OSBP2: variants seen among roughly 807,000 people sequenced by gnomAD.
OSBP2 encodes oxysterol binding protein 2.
A neutral mutation model predicts 96.0 loss-of-function variants in OSBP2; 66 were observed. That is an observed-to-expected ratio of 0.69 (90% CI 0.56 to 0.84). The LOEUF is 0.84. Ranked by LOEUF, OSBP2 falls within the 40% of genes least tolerant of loss-of-function variation. The pLI is 0.00. For synonymous variants in OSBP2, 525 were observed against 520.9 expected (o/e 1.01, Z -0.11); for missense variants, 1,038 against 1,222.7 (o/e 0.85, Z 2.25).
At position 30,893,662 on chromosome 22, in the gene OSBP2, C is replaced by T. The variant is rs755634986; in HGVS notation, c.2119C>T (p.His707Tyr). The T allele has an allele frequency of 1.9e-6, 3 of 1,614,186 alleles. No homozygotes were observed. Among genetic ancestry groups the T allele is most frequent in the East Asian group, 2.2e-5 (1 of 44,894 alleles). The change falls in exon 11 of 14, where the codon CAT (histidine) becomes TAT (tyrosine). Residue 707 changes from histidine (H) to tyrosine (Y), a missense_variant. His to Tyr is a moderately conservative substitution (Grantham distance 83, BLOSUM62 2). This residue lies in a region of OSBP2 where 737 missense variants were observed against 913.3 expected (regional missense o/e 0.81). Transcript: ENST00000332585. ...DQSGDIEIVN[H>Y]KTNDRCQLKF... is the part of the protein sequence containing the mutation. ...GTCAGGGGACATCGAGATTGTGAAC[C>T]ATAAGACCAATGACCGGTGCCAGCT...
chr22:30,833,642 C>G (rs898593189), intron 2 of OSBP2, among the ~76,000 whole-genome samples: 4 of 152,184 alleles, frequency 2.6e-5, no homozygotes, highest in Non-Finnish European at 5.9e-5. Context: ...ATACCAGAAC[C>G]AGGATTTAAT....
At chr22:30,752,179 C>T (rs2090082975) in intron 2 of OSBP2, among the ~76,000 whole-genome samples, 1 of 151,434 alleles carries the variant, frequency 6.6e-6, no homozygotes, top group Non-Finnish European at 1.5e-5. Flanking sequence ...AAAATTTGAC[C>T]TTTTGAGGTT....
intron 1 of OSBP2, among the ~76,000 whole-genome samples, chr22:30,701,020 G>A (rs1017244957): frequency 2.0e-5 from 3 of 151,900 alleles, no homozygotes; most frequent in Non-Finnish European, 4.4e-5. Flanking sequence ...GCTTGAACCT[G>A]GGAGGCAGAG....
chr22:30,843,449 C>G (rs987996321), intron 2 of OSBP2, among the ~76,000 whole-genome samples: 8 of 126,984 alleles, frequency 6.3e-5, no homozygotes, highest in African/African-American at 1.5e-4. Context: ...ATCTTTCCCC[C>G]CTCCCCCTTG....
At chr22:30,760,587 A>C (rs544675719) in intron 2 of OSBP2, among the ~76,000 whole-genome samples, 2 of 152,242 alleles carry the variant, frequency 1.3e-5, no homozygotes, top group South Asian at 2.1e-4. Context: ...AGGCCAATGC[A>C]GGCAGATCAC....
intron 1 of OSBP2, among the ~76,000 whole-genome samples, chr22:30,714,421 G>A (rs1361676885): frequency 1.4e-5 from 2 of 144,042 alleles, no homozygotes; most frequent in Non-Finnish European, 3.0e-5. Context: ...TTTTTTTTTT[G>A]TTGTAGTAAA....
At chr22:30,808,292 G>C (rs1438445850) in intron 2 of OSBP2, among the ~76,000 whole-genome samples, 1 of 152,126 alleles carries the variant, frequency 6.6e-6, no homozygotes, top group East Asian at 1.9e-4. Context: ...CTTGAGCCCA[G>C]GAGTGCAAGG....
At chr22:30,839,544 A>G (rs1352550621) in intron 2 of OSBP2, among the ~76,000 whole-genome samples, 1 of 151,598 alleles carries the variant, frequency 6.6e-6, no homozygotes, top group African/African-American at 2.4e-5. Context: ...TGCCATTCTA[A>G]CTGGTGTGAG....
At chr22:30,802,124 C>T (rs1344029696) in intron 2 of OSBP2, among the ~76,000 whole-genome samples, 1 of 152,218 alleles carries the variant, frequency 6.6e-6, no homozygotes, top group Non-Finnish European at 1.5e-5. Context: ...CCCCACCCCA[C>T]CCTCATGTTT....
intron 2 of OSBP2, among the ~76,000 whole-genome samples, chr22:30,802,204 C>A (rs945382544): frequency 6.6e-6 from 1 of 152,180 alleles, no homozygotes; most frequent in Non-Finnish European, 1.5e-5. Flanking sequence ...AAGTCAGAAT[C>A]AATGACCCCC....
intron 1 of OSBP2, among the ~76,000 whole-genome samples, chr22:30,726,471 G>T (rs2089652438): frequency 6.6e-6 from 1 of 151,976 alleles, no homozygotes; most frequent in South Asian, 2.1e-4. Context: ...CACACACTGG[G>T]GTCTGTCAGA....
intron 2 of OSBP2, among the ~76,000 whole-genome samples, chr22:30,846,815 A>T (rs2038880821): frequency 6.6e-6 from 1 of 151,996 alleles, no homozygotes; most frequent in Admixed American, 6.6e-5. Flanking sequence ...TATGTGTTAT[A>T]CTTTTTATGT....
intron 1 of OSBP2, among the ~76,000 whole-genome samples, chr22:30,712,610 C>A (rs12627819): frequency 6.6e-6 from 1 of 151,634 alleles, no homozygotes; most frequent in South Asian, 2.1e-4. Context: ...CATCACACTT[C>A]CAGTCTTCGT....
Position 30,870,219 on chromosome 22 carries a change from C to G in OSBP2, c.854-210C>G, listed in dbSNP as rs551820000. On this transcript the variant is annotated intron_variant, in intron 2 of 13. Coordinates refer to ENST00000332585, the MANE Select transcript of OSBP2 (RefSeq NM_030758.4). This position sits in a 1 kb window ranked among gnomAD's most constrained non-coding sequence, Gnocchi z 4.1. ...CTCTTTACAGTCCTTCCCACTGACT[C>G]AGGTGGGCCCTTGCCCACCCCACCC... Among the ~76,000 whole-genome samples the G allele has an allele frequency of 2.0e-5, 3 of 152,152 alleles. No homozygotes were observed. The highest frequency in any genetic ancestry group is 4.8e-5 in the African/African-American group (2 of 41,454).
chr22:30,906,650 C>T lies in OSBP2; in HGVS notation c.*311C>T. The stretch of plus-strand genomic sequence containing the variant: ...CGGCTGGCCCGGGCCATGGGCTGCG[C>T]AAATCACCAGCCCCCAACCCAGGGA... On this transcript the variant is annotated 3_prime_UTR_variant, in exon 14 of 14. Coordinates refer to ENST00000332585, the MANE Select transcript of OSBP2 (RefSeq NM_030758.4). 3.7e-6 allele frequency: 1 copy of T among 270,640 alleles called. No homozygotes were observed. Among genetic ancestry groups the T allele is most frequent in the Non-Finnish European group, 6.9e-6 (1 of 145,272 alleles). The allele number at this position is 270,640 out of a possible 1,614,324, so 16.8% of individuals were successfully genotyped here.
At chr22:30,705,386 C>G (rs766570243) in intron 1 of OSBP2, among the ~76,000 whole-genome samples, 1 of 152,004 alleles carries the variant, frequency 6.6e-6, no homozygotes, top group Admixed American at 6.6e-5. Flanking sequence ...CTCCGCCTCC[C>G]GGGTTTAAGC....
chr22:30,712,548 A>G (rs1250443125), intron 1 of OSBP2, among the ~76,000 whole-genome samples: 1 of 152,212 alleles, frequency 6.6e-6, no homozygotes. Flanking sequence ...CAGAAAACTG[A>G]TCAGGAATAG....
At chr22:30,853,970 A>G (rs1216703353) in intron 2 of OSBP2, among the ~76,000 whole-genome samples, 1 of 152,074 alleles carries the variant, frequency 6.6e-6, no homozygotes, top group African/African-American at 2.4e-5. Flanking sequence ...CGTGTTAGCC[A>G]GGATGGTCTC....
chr22:30,893,291 A>AGAGGGAGGATTCTGGTGATGC, intron 9 of OSBP2, 49 bp downstream of exon 9: 3 of 1,612,834 alleles, frequency 1.9e-6, no homozygotes, highest in South Asian at 1.1e-5. Flanking sequence ...ATTGTGCATA[A>AGAGGGAGGATTCTGGTGATGC]GAGGGAGGAT....
Sources: gnomAD v4.1 joint callset for allele counts (sites outside exome capture counted in the v4.1 genomes callset) on GRCh38, gnomAD v4.1.1 for gene constraint, gnomAD v4.1.1 regional missense constraint, Gnocchi (gnomAD v3.1) non-coding constraint, MANE v1.5 for transcripts, NCBI Gene and HGNC (gene_info 2026-07-23, HGNC 2026-07-21) for gene names.